TBC1D14: variants seen among roughly 807,000 people sequenced by gnomAD.
TBC1D14 encodes the protein TBC1 domain family member 14.
In TBC1D14, 26 loss-of-function variants were observed where a neutral mutation model predicts 79.0. That is an observed-to-expected ratio of 0.33 (90% CI 0.24 to 0.46). The LOEUF is 0.46. Among genes scored for constraint, TBC1D14 ranks in the 20% least tolerant of loss-of-function variants. The pLI is 1.00. For missense variants in TBC1D14, 769 were observed against 887.6 expected (o/e 0.87, Z 1.70); for synonymous variants, 394 against 349.9 (o/e 1.13, Z -1.40).
chr4:6,941,361 T>A (rs2108975625), intron 2 of TBC1D14, among the ~76,000 whole-genome samples: 1 of 152,158 alleles, frequency 6.6e-6, no homozygotes, highest in African/African-American at 2.4e-5. Flanking sequence ...AATTTTTGTA[T>A]TTTTAGTAAA....
intron 3 of TBC1D14, among the ~76,000 whole-genome samples, chr4:6,985,202 T>A (rs933078763): frequency 6.6e-6 from 1 of 152,222 alleles, no homozygotes; most frequent in Non-Finnish European, 1.5e-5. Context: ...TACATAACCA[T>A]GACTGTTACC....
At chr4:6,964,142 C>G in intron 2 of TBC1D14, among the ~76,000 whole-genome samples, 1 of 38,984 alleles carries the variant, frequency 2.6e-5, no homozygotes, top group East Asian at 3.8e-3. Context: ...TACCTTTGTA[C>G]AGACTAATAA....
chr4:6,962,698 C>T (rs2109035403), intron 2 of TBC1D14, among the ~76,000 whole-genome samples: 1 of 152,182 alleles, frequency 6.6e-6, no homozygotes, highest in South Asian at 2.1e-4. Context: ...GGTGGTCTGC[C>T]ACTCCTTGCC....
chr4:7,009,044 A>G (rs927053565), intron 9 of TBC1D14, among the ~76,000 whole-genome samples: 4 of 152,126 alleles, frequency 2.6e-5, no homozygotes, highest in African/African-American at 4.8e-5. Flanking sequence ...CTCTTTTCAC[A>G]TGCTAGAATA....
At chr4:6,992,108 A>C (rs1456894209) in intron 3 of TBC1D14, among the ~76,000 whole-genome samples, 1 of 152,086 alleles carries the variant, frequency 6.6e-6, no homozygotes, top group African/African-American at 2.4e-5. Flanking sequence ...CTGTGACATC[A>C]CCTCATTCCT....
At chr4:7,029,372 C>T (rs902614413) in intron 13 of TBC1D14, among the ~76,000 whole-genome samples, 5 of 152,258 alleles carry the variant, frequency 3.3e-5, no homozygotes, top group Admixed American at 6.5e-5. Flanking sequence ...ACGTCACTTC[C>T]GTACATGTCT....
chr4:6,972,061 A>G (rs566436868), intron 3 of TBC1D14, among the ~76,000 whole-genome samples: 2 of 152,322 alleles, frequency 1.3e-5, no homozygotes, highest in East Asian at 3.9e-4. Context: ...GGATGGTGAC[A>G]CTGCCTCGGA....
intron 1 of TBC1D14, among the ~76,000 whole-genome samples, chr4:6,920,228 C>T (rs1030622466): frequency 6.6e-6 from 1 of 151,998 alleles, no homozygotes; most frequent in Non-Finnish European, 1.5e-5. Context: ...CTCTTACTGG[C>T]TCCTTCAATC....
chr4:6,925,650 G>A (rs1724234186), intron 2 of TBC1D14, among the ~76,000 whole-genome samples: 1 of 152,214 alleles, frequency 6.6e-6, no homozygotes, highest in Admixed American at 6.5e-5. Flanking sequence ...GGTACCATGA[G>A]CACAGTTCCT....
chr4:7,008,498 C>T (rs1170562016), intron 9 of TBC1D14, among the ~76,000 whole-genome samples: 2 of 152,198 alleles, frequency 1.3e-5, no homozygotes, highest in Admixed American at 6.5e-5. Context: ...CCGCAGCCTC[C>T]GCCTCCCGGG....
intron 3 of TBC1D14, among the ~76,000 whole-genome samples, chr4:6,993,009 C>T (rs1560319788): frequency 6.6e-6 from 1 of 152,194 alleles, no homozygotes; most frequent in Non-Finnish European, 1.5e-5. Flanking sequence ...AGGAAATAAT[C>T]TATTTCTTTA....
chr4:6,954,886 T>C (rs987788875), intron 2 of TBC1D14, among the ~76,000 whole-genome samples: 1 of 152,230 alleles, frequency 6.6e-6, no homozygotes, highest in African/African-American at 2.4e-5. Flanking sequence ...ATTACAGGCG[T>C]GAGCGGCCGT....
intron 3 of TBC1D14, among the ~76,000 whole-genome samples, chr4:6,982,455 G>A (rs559563637): frequency 4.9e-4 from 74 of 152,304 alleles, no homozygotes; most frequent in African/African-American, 1.7e-3. Context: ...TGTGACTACC[G>A]AGGGCTAACA....
At chr4:7,003,938 A>AGAGGTT (rs1308544472) in intron 7 of TBC1D14, among the ~76,000 whole-genome samples, 11 of 152,154 alleles carry the variant, frequency 7.2e-5, no homozygotes, top group Non-Finnish European at 1.0e-4. Context: ...TCTGGGAGGC[A>AGAGGTT]GAGGTTACAG....
chr4:6,919,272 A>G (rs1428003755), intron 1 of TBC1D14, among the ~76,000 whole-genome samples: 1 of 151,320 alleles, frequency 6.6e-6, no homozygotes, highest in East Asian at 2.0e-4. Flanking sequence ...TCAGCTTCCC[A>G]AGTAGCTGGG....
chr4:6,930,511 GA>G (rs1334777048), intron 2 of TBC1D14, among the ~76,000 whole-genome samples: 21 of 152,322 alleles, frequency 1.4e-4, no homozygotes, highest in African/African-American at 3.4e-4. Flanking sequence ...AAAAGTCTAT[GA>G]GGGGGCCAGG....
chr4:6,976,718 G>T (rs1407121466), intron 3 of TBC1D14, among the ~76,000 whole-genome samples: 2 of 152,136 alleles, frequency 1.3e-5, no homozygotes, highest in African/African-American at 4.8e-5. Flanking sequence ...GGAAAGAAGG[G>T]GAGCAGAAAT....
chr4:6,999,342 C>G (rs1351179938), intron 6 of TBC1D14, 140 bp downstream of exon 6: 9 of 729,798 alleles, frequency 1.2e-5, no homozygotes, highest in African/African-American at 3.5e-5. Context: ...TCCCTCTACC[C>G]TGGCTCAGCC....
rs774192433 is a variant in TBC1D14 at position 7,025,391 on chromosome 4, G to A, written c.2016+129G>A. 38 of 1,440,502 alleles carry A rather than the reference G, an allele frequency of 2.6e-5. No individual in the cohort carries two copies. The Middle Eastern group carries it at 7.6e-4, about 29-fold the overall frequency. The allele number at this position is 1,440,502 out of a possible 1,614,324, so 89.2% of individuals were successfully genotyped here. A position where few individuals can be genotyped will look rare whatever the true frequency, so the allele number is the denominator to read the frequency against. On this transcript the variant is annotated intron_variant, in intron 13 of 13. Coordinates refer to ENST00000409757, the MANE Select transcript of TBC1D14 (RefSeq NM_020773.3). ...ATGGAGTCCCTGGGCTGGAACTGAG[G>A]GGGGCCGGGTGGAGACGTGGCTGTG...
Sources: gnomAD v4.1 joint callset for allele counts (sites outside exome capture counted in the v4.1 genomes callset) on GRCh38, gnomAD v4.1.1 for gene constraint, MANE v1.5 for transcripts, NCBI Gene and HGNC (gene_info 2026-07-23, HGNC 2026-07-21) for gene names.